The following GCNT2 variants were observed in gnomAD, a reference collection of about 807,000 sequenced individuals.
GCNT2 encodes N-acetyllactosaminide beta-1,6-N-acetylglucosaminyl-transferase.
In GCNT2, 34 loss-of-function variants were observed where a neutral mutation model predicts 34.2. The observed-to-expected ratio is 1.00, with a 90% CI of 0.76 to 1.32. GCNT2 has a LOEUF of 1.32. Among genes scored for constraint, GCNT2 ranks in the 40% most tolerant of loss-of-function variants. GCNT2 has a pLI of 0.00. For missense variants in GCNT2, 584 were observed against 489.4 expected, an observed-to-expected ratio of 1.19 and a Z score of -1.82; for synonymous variants, 212 against 188.0, an observed-to-expected ratio of 1.13 and a Z score of -1.04.
At chr6:10,552,732 G>T (rs16870468) in intron 3 of GCNT2, among the ~76,000 whole-genome samples, 2 of 152,032 alleles carry the variant, frequency 1.3e-5, no homozygotes, top group Non-Finnish European at 2.9e-5. Context: ...TACTTAATAC[G>T]CTGTCCAAAA....
At chr6:10,540,110 GGAA>G (rs1761971822) in intron 3 of GCNT2, among the ~76,000 whole-genome samples, 1 of 151,494 alleles carries the variant, frequency 6.6e-6, no homozygotes, top group South Asian at 2.1e-4. Flanking sequence ...GGAAGGAAAA[GGAA>G]GAAAGTAAAG....
chr6:10,597,610 G>T (rs375266406), intron 3 of GCNT2, among the ~76,000 whole-genome samples: 3 of 150,050 alleles, frequency 2.0e-5, no homozygotes, highest in East Asian at 3.9e-4. Flanking sequence ...GGCTATGAGG[G>T]TTTTTGTTGT....
At chr6:10,584,393 T>C (rs1396936096) in intron 3 of GCNT2, among the ~76,000 whole-genome samples, 2 of 152,144 alleles carry the variant, frequency 1.3e-5, no homozygotes, top group African/African-American at 2.4e-5. Flanking sequence ...GTATGGTTGG[T>C]TTTACATTTG....
At chr6:10,559,027 C>T (rs889684000) in intron 3 of GCNT2, among the ~76,000 whole-genome samples, 7 of 148,660 alleles carry the variant, frequency 4.7e-5, no homozygotes, top group African/African-American at 1.7e-4. Context: ...AAGTATTGTG[C>T]TGAGATGAGG....
intron 3 of GCNT2, among the ~76,000 whole-genome samples, chr6:10,582,436 A>C (rs1764152577): frequency 8.4e-6 from 1 of 119,294 alleles, no homozygotes; most frequent in African/African-American, 3.9e-5. Context: ...CTATAATTTA[A>C]TATTTATTAT....
intron 3 of GCNT2, among the ~76,000 whole-genome samples, chr6:10,567,543 T>C (rs1278323564): frequency 6.6e-6 from 1 of 152,226 alleles, no homozygotes; most frequent in Non-Finnish European, 1.5e-5. Context: ...GAATATTAAC[T>C]TTTAGGCCTT....
intron 3 of GCNT2, among the ~76,000 whole-genome samples, chr6:10,588,398 G>A (rs988678592): frequency 1.3e-5 from 2 of 152,204 alleles, no homozygotes; most frequent in East Asian, 3.8e-4. Context: ...GGAAGTCATC[G>A]TGTTAGCCTC....
chr6:10,542,301 C>T (rs938353855), intron 3 of GCNT2, among the ~76,000 whole-genome samples: 27 of 152,142 alleles, frequency 1.8e-4, no homozygotes, highest in Non-Finnish European at 3.1e-4. Flanking sequence ...TACACTGCTA[C>T]GCACTAAACT....
chr6:10,579,834 A>C (rs557667856), intron 3 of GCNT2, among the ~76,000 whole-genome samples: 4,132 of 147,734 alleles, frequency 0.028, 192 homozygotes, highest in African/African-American at 0.096. Context: ...AACAAAAAAA[A>C]AAAAAAAAAA....
chr6:10,577,636 G>A (rs1763880131), intron 3 of GCNT2, among the ~76,000 whole-genome samples: 1 of 152,086 alleles, frequency 6.6e-6, no homozygotes, highest in South Asian at 2.1e-4. Context: ...CGCCTCCTGG[G>A]TTCAAGTGAT....
chr6:10,622,266 G>C (rs1197827874), intron 4 of GCNT2, among the ~76,000 whole-genome samples: 2 of 152,160 alleles, frequency 1.3e-5, no homozygotes, highest in Admixed American at 6.5e-5. Flanking sequence ...GTATTAGTTT[G>C]CTAGGGCTGC....
intron 3 of GCNT2, among the ~76,000 whole-genome samples, chr6:10,617,316 G>A (rs1765819720): frequency 6.6e-6 from 1 of 152,180 alleles, no homozygotes; most frequent in Non-Finnish European, 1.5e-5. Context: ...CCGAGTGCTG[G>A]GCGCCCCCAG....
intron 3 of GCNT2, among the ~76,000 whole-genome samples, chr6:10,608,251 A>C (rs945038666): frequency 2.4e-4 from 37 of 151,874 alleles, no homozygotes; most frequent in Admixed American, 2.0e-3. Context: ...CTAATTTTGT[A>C]TTTTTAGTAG....
intron 3 of GCNT2, among the ~76,000 whole-genome samples, chr6:10,571,874 T>G (rs897581305): frequency 1.3e-4 from 19 of 150,322 alleles, no homozygotes; most frequent in Admixed American, 2.0e-4. Context: ...CACTATAGAC[T>G]TAGTGATGAT....
chr6:10,537,626 G>A (rs911151504), intron 3 of GCNT2, among the ~76,000 whole-genome samples: 5 of 147,216 alleles, frequency 3.4e-5, no homozygotes, highest in African/African-American at 1.0e-4. Flanking sequence ...GCTTAAACCC[G>A]GGAGGCGGAG....
chr6:10,531,874 CTTTT>C (rs71548846), intron 3 of GCNT2, among the ~76,000 whole-genome samples: 1 of 129,562 alleles, frequency 7.7e-6, no homozygotes, highest in African/African-American at 2.9e-5. Context: ...CCAATCCCCA[CTTTT>C]TTTTTTTTTT....
rs576320444 is a variant in GCNT2, at chr6:10,586,977, A to C, written c.926-34374A>C. ...TTGCTAACATTCTGCTCGCCTAGAGAACTGACTCATTTGAAATTATTATGA... is the reference window on the plus strand; with the variant it reads ...TTGCTAACATTCTGCTCGCCTAGAGCACTGACTCATTTGAAATTATTATGA... On this transcript the variant is annotated intron_variant, in intron 3 of 4. Transcript: ENST00000495262. 8.3e-5 allele frequency: 93 copies of C among 1,117,246 alleles called. 1 individual carries two copies. The African/African-American group carries it at 1.3e-3, about 16-fold the overall frequency. 69.2% of individuals were successfully genotyped at this position (1,117,246 alleles called of 1,614,324 possible). A position where few individuals can be genotyped will look rare whatever the true frequency, so the allele number is the denominator to read the frequency against.
intron 3 of GCNT2, among the ~76,000 whole-genome samples, chr6:10,578,778 G>T (rs74323284): frequency 0.03 from 4,576 of 152,132 alleles, 205 homozygotes; most frequent in African/African-American, 0.1. Context: ...GAGAGAACAT[G>T]GAAAAGGATA....
chr6:10,586,765 C>G, intron 3 of GCNT2: 2 of 1,614,074 alleles, frequency 1.2e-6, no homozygotes, highest in Non-Finnish European at 1.7e-6. Flanking sequence ...CATCAGCTGA[C>G]CATCTACTTT....
Sources: allele counts gnomAD v4.1 joint callset (sites outside exome capture counted in the v4.1 genomes callset), GRCh38; gene constraint gnomAD v4.1.1; transcripts MANE v1.5; gene names NCBI Gene and HGNC (gene_info 2026-07-23, HGNC 2026-07-21).